Variants in RAPGEF5 observed in about 807,000 individuals in gnomAD.
The protein encoded by RAPGEF5 is Rap guanine nucleotide exchange factor 5.
In RAPGEF5, 65 loss-of-function variants were observed where a neutral mutation model predicts 125.2. The ratio of observed to expected loss-of-function variants is 0.52; its 90% CI spans 0.43 to 0.64. The LOEUF is 0.64. Among genes scored for constraint, RAPGEF5 ranks in the 30% least tolerant of loss-of-function variants. The pLI is 0.00. For synonymous variants in RAPGEF5, 391 were observed against 385.9 expected (o/e 1.01, Z -0.16); for missense variants, 958 against 1,048.1 (o/e 0.91, Z 1.19).
chr7:22,200,918 T>C (rs1008854910), intron 9 of RAPGEF5, among the ~76,000 whole-genome samples: 34 of 152,328 alleles, frequency 2.2e-4, no homozygotes, highest in African/African-American at 8.2e-4. Context: ...ATTATGAATA[T>C]ATTTCAACAT....
Position 22,336,201 on chromosome 7 carries a change from C to T in RAPGEF5, c.232-18164G>A, listed in dbSNP as rs141458971. 2.9e-3 allele frequency among the ~76,000 whole-genome samples: 438 copies of T among 152,270 alleles called. 1 individual carries two copies. The highest frequency in any genetic ancestry group is 0.01 in the Middle Eastern group (3 of 294). On this transcript the variant is annotated intron_variant, in intron 1 of 25. Coordinates refer to ENST00000665637, the MANE Select transcript of RAPGEF5 (RefSeq NM_012294.5). ...ACTCTTCAGAAAGAGACCAATCTTT[C>T]TAAAGAAATGCTTTTGTCAACTGAT...
intron 6 of RAPGEF5, among the ~76,000 whole-genome samples, chr7:22,290,934 C>T (rs1782920616): frequency 6.6e-6 from 1 of 152,096 alleles, no homozygotes; most frequent in Admixed American, 6.6e-5. Flanking sequence ...TACTACACCT[C>T]CACCTCCACA....
intron 12 of RAPGEF5, among the ~76,000 whole-genome samples, chr7:22,164,990 T>A (rs1390336421): frequency 6.6e-6 from 1 of 152,166 alleles, no homozygotes; most frequent in African/African-American, 2.4e-5. Context: ...ATGTAACACA[T>A]CTTCACTAAG....
chr7:22,357,018 C>T lies in RAPGEF5; in HGVS notation c.43G>A (p.Glu15Lys). ...GCCGCGGCGGCCAGGGCCGGGCTCT[C>T]GCACGGCGGCTGCATCTTGACGGAG... ...VGSVKMQPPC[E>K]SPALAAAAAV... Residue 15 changes from glutamate (E) to lysine (K), a missense_variant, in exon 1 of 26, where the codon GAG (glutamate) becomes AAG (lysine). Transcript: ENST00000665637. 9.7e-7 allele frequency: 1 copy of T among 1,028,692 alleles called. No individual in the cohort carries two copies. The allele number at this position is 1,028,692 out of a possible 1,614,324, so 63.7% of individuals were successfully genotyped here.
chr7:22,314,574 T>A, intron 3 of RAPGEF5: 7 of 945,892 alleles, frequency 7.4e-6, no homozygotes, highest in Non-Finnish European at 8.8e-6. Flanking sequence ...AACTTCCTAC[T>A]TTTTGGGTGT....
chr7:22,317,441 C>T (rs1783625963), intron 2 of RAPGEF5, among the ~76,000 whole-genome samples: 2 of 151,778 alleles, frequency 1.3e-5, no homozygotes, highest in Non-Finnish European at 2.9e-5. Context: ...GGGGTTTCAC[C>T]GTGTTGGCCA....
intron 1 of RAPGEF5, among the ~76,000 whole-genome samples, chr7:22,324,704 G>A (rs1374633186): frequency 6.6e-6 from 1 of 152,054 alleles, no homozygotes; most frequent in African/African-American, 2.4e-5. Flanking sequence ...TTTTCTGAAA[G>A]CTGCACCGCC....
At chr7:22,307,935 C>G (rs2128152308) in intron 5 of RAPGEF5, among the ~76,000 whole-genome samples, 1 of 152,198 alleles carries the variant, frequency 6.6e-6, no homozygotes, top group Middle Eastern at 3.4e-3. Flanking sequence ...TTTTAATTTG[C>G]CAAATGTTGC....
chr7:22,123,296 A>G (rs1782638917), intron 25 of RAPGEF5, among the ~76,000 whole-genome samples: 1 of 152,200 alleles, frequency 6.6e-6, no homozygotes, highest in Non-Finnish European at 1.5e-5. Context: ...ACCAGGATGA[A>G]GCAGCATGAA....
At chr7:22,326,934 C>T (rs1583580912) in intron 1 of RAPGEF5, among the ~76,000 whole-genome samples, 1 of 152,028 alleles carries the variant, frequency 6.6e-6, no homozygotes, top group African/African-American at 2.4e-5. Context: ...TGGATAGGTT[C>T]GTGGCAAAGT....
chr7:22,356,971 G>A lies in RAPGEF5; in HGVS notation c.90C>T (p.Gly30=), dbSNP rs1784434012. The part of the protein sequence containing the change: ...AAAAAVVAAD[G]PLRRSPSARE... ...GGGCGCTGGGGCTGCGGCGCAGGGG[G>A]CCGTCTGCCGCCACCACCGCCGCCG... Residue 30 remains glycine, a synonymous_variant, in exon 1 of 26, where the codon GGC becomes GGT. Transcript: ENST00000665637. The A allele has an allele frequency of 1.1e-5, 11 of 1,030,764 alleles. No homozygotes were observed. The South Asian group carries it at 3.5e-4, about 33-fold the overall frequency. 63.9% of individuals were successfully genotyped at this position (1,030,764 alleles called of 1,614,324 possible).
rs1782295323 is a variant in RAPGEF5 at position 22,266,889 on chromosome 7, G to T, written c.796+75C>A. ...ATAACTTCCTGAGATACACTCAACT[G>T]CACACTACCAGATGATATGTGAAAT... On this transcript the variant is annotated intron_variant, in intron 7 of 25. Coordinates refer to ENST00000665637, the MANE Select transcript of RAPGEF5 (RefSeq NM_012294.5). 41 of 1,426,648 alleles carry T rather than the reference G, an allele frequency of 2.9e-5. No individual in the cohort carries two copies. In the East Asian group the frequency reaches 8.5e-4, roughly 29 times the overall value. The allele number at this position is 1,426,648 out of a possible 1,614,324, so 88.4% of individuals were successfully genotyped here.
chr7:22,335,112 A>G (rs923220534), intron 1 of RAPGEF5, among the ~76,000 whole-genome samples: 1 of 152,246 alleles, frequency 6.6e-6, no homozygotes, highest in African/African-American at 2.4e-5. Flanking sequence ...AGAAGAGGCA[A>G]TGGGTGGGGA....
Position 22,219,498 on chromosome 7 carries a change from T to G in RAPGEF5, c.996+368A>C, listed in dbSNP as rs556449773. ...TCCACCTCTGTACTAAACATAAAAA[T>G]ATGTTGAAATGTTTTTTCAAAATTC... On this transcript the variant is annotated intron_variant, in intron 9 of 25. Coordinates refer to ENST00000665637, the MANE Select transcript of RAPGEF5 (RefSeq NM_012294.5). Among the ~76,000 whole-genome samples, 143 of 150,876 alleles carry G rather than the reference T, an allele frequency of 9.5e-4. 2 individuals are homozygous for G. The highest frequency in any genetic ancestry group is 1.8e-3 in the Non-Finnish European group (125 of 67,872).
chr7:22,219,782 A>C, intron 9 of RAPGEF5, 84 bp downstream of exon 9: 1 of 1,464,962 alleles, frequency 6.8e-7, no homozygotes, highest in Non-Finnish European at 9.1e-7. Flanking sequence ...TTTAAAATAA[A>C]ATAGTCTTTC....
chr7:22,321,372 T>G (rs940762477), intron 1 of RAPGEF5, among the ~76,000 whole-genome samples: 5 of 152,240 alleles, frequency 3.3e-5, no homozygotes, highest in African/African-American at 1.2e-4. Flanking sequence ...GAAGCAGGCA[T>G]GGAACTCATT....
In RAPGEF5 at chr7:22,162,444, A is replaced by G. The variant is rs1331691759; in HGVS notation, c.1381T>C (p.Tyr461His). 6.2e-7 allele frequency: 1 copy of G among 1,601,104 alleles called. No homozygotes were observed. The highest frequency in any genetic ancestry group is 8.6e-7 in the Non-Finnish European group (1 of 1,168,316). ...LHLVSQWIALYKDWLPEDEHS... is the reference protein window; with the variant it reads ...LHLVSQWIALHKDWLPEDEHS... ...TCATCTTCAGGTAACCAGTCTTTGTACAGAGCAATCCACTGGGAAACAAGA... is the reference window on the plus strand; with the variant it reads ...TCATCTTCAGGTAACCAGTCTTTGTGCAGAGCAATCCACTGGGAAACAAGA... Residue 461 changes from tyrosine to histidine, a missense_variant, in exon 13 of 26, where the codon TAC (tyrosine) becomes CAC (histidine). Physicochemically the swap from Tyr to His is moderately conservative, Grantham distance 83. Transcript: ENST00000665637.
chr7:22,309,289 C>A (rs1397364969), intron 4 of RAPGEF5, among the ~76,000 whole-genome samples: 1 of 152,188 alleles, frequency 6.6e-6, no homozygotes, highest in South Asian at 2.1e-4. Flanking sequence ...ATTACACCCA[C>A]GTCCATATCT....
intron 9 of RAPGEF5, among the ~76,000 whole-genome samples, chr7:22,198,667 G>A (rs1033618903): frequency 7.2e-5 from 11 of 152,126 alleles, no homozygotes; most frequent in Non-Finnish European, 1.5e-4. Flanking sequence ...GAACCACCAG[G>A]AATGGGCAAC....
Sources: allele counts gnomAD v4.1 joint callset (sites outside exome capture counted in the v4.1 genomes callset), GRCh38; gene constraint gnomAD v4.1.1; transcripts MANE v1.5; gene names NCBI Gene and HGNC (gene_info 2026-07-23, HGNC 2026-07-21).